The following CLMN variants were observed in gnomAD, a reference collection of about 807,000 sequenced individuals.
CLMN encodes the protein calmin (calponin-like, transmembrane).
CLMN carries 57 observed loss-of-function variants against 92.7 expected under a neutral mutation model. That is an observed-to-expected ratio of 0.61 (90% confidence interval 0.50 to 0.77). CLMN has a LOEUF of 0.77. Ranked by LOEUF, CLMN falls within the 30% of genes least tolerant of loss-of-function variation. The probability of loss-of-function intolerance (pLI) is 0.00; values close to 1 mark genes in which losing one functional copy is unlikely to be tolerated. For synonymous variants in CLMN, 466 were observed against 470.6 expected (o/e 0.99, Z 0.13); for missense variants, 1,158 against 1,237.5 (o/e 0.94, Z 0.96).
intron 9 of CLMN, among the ~76,000 whole-genome samples, chr14:95,200,579 G>A (rs1030462689): frequency 6.6e-6 from 1 of 152,156 alleles, no homozygotes; most frequent in Non-Finnish European, 1.5e-5. Context: ...GCAGGACGCA[G>A]CACTTATTAA....
At chr14:95,309,385 A>G (rs776961383) in intron 1 of CLMN, among the ~76,000 whole-genome samples, 3 of 152,194 alleles carry the variant, frequency 2.0e-5, no homozygotes, top group Admixed American at 6.5e-5. Context: ...TCTCCACTCC[A>G]AAAGTACACA....
chr14:95,261,286 C>T (rs1013112978), intron 1 of CLMN, among the ~76,000 whole-genome samples: 2 of 152,026 alleles, frequency 1.3e-5, no homozygotes, highest in Non-Finnish European at 2.9e-5. Context: ...CCCATTGCCT[C>T]GTTTCACCTC....
chr14:95,272,061 A>T (rs905574092), intron 1 of CLMN, among the ~76,000 whole-genome samples: 1 of 152,256 alleles, frequency 6.6e-6, no homozygotes, highest in African/African-American at 2.4e-5. Flanking sequence ...ATGGGCATGC[A>T]TCTTGTCCCA....
At chr14:95,232,960 T>C (rs1206624207) in intron 1 of CLMN, among the ~76,000 whole-genome samples, 1 of 152,210 alleles carries the variant, frequency 6.6e-6, no homozygotes, top group Non-Finnish European at 1.5e-5. Flanking sequence ...ATGAATATAT[T>C]TCTTACCCGT....
chr14:95,245,270 T>A (rs180898357), intron 1 of CLMN, among the ~76,000 whole-genome samples: 7,253 of 53,102 alleles, frequency 0.14, 835 homozygotes, highest in African/African-American at 0.24. Context: ...TATATATATA[T>A]TATATATATA....
In CLMN at chr14:95,200,412, G is replaced by GC. The variant is rs1054163805; in HGVS notation, c.2511+2425_2511+2426insG. 8.5e-5 allele frequency among the ~76,000 whole-genome samples: 13 copies of GC among 152,214 alleles called. 1 individual carries two copies. Among genetic ancestry groups the GC allele is most frequent in the African/African-American group, 3.1e-4 (13 of 41,452 alleles). On this transcript the variant is annotated intron_variant, in intron 9 of 12. Transcript: ENST00000298912. ...AGATGCATCGCTTTCCATGGGGTTG[G>GC]ATGAGTAAGCAGGTGAGCTCATGGA...
At position 95,309,008 on chromosome 14, in the gene CLMN, A is replaced by G. The variant is rs148876277; in HGVS notation, c.82+10703T>C. Among the ~76,000 whole-genome samples the G allele has an allele frequency of 4.3e-3, 655 of 152,328 alleles. 2 individuals are homozygous for G. Among genetic ancestry groups the G allele is most frequent in the Middle Eastern group, 0.014 (4 of 294 alleles). On this transcript the variant is annotated intron_variant, in intron 1 of 12. Coordinates refer to ENST00000298912, the MANE Select transcript of CLMN (RefSeq NM_024734.4). ...TTTCGTAAACCTACCACGAGACAAC[A>G]ATGGAACGGGGGCCATGAAGATTGT... is the stretch of plus-strand genomic sequence containing the variant.
At chr14:95,234,239 C>T (rs1897979257) in intron 1 of CLMN, among the ~76,000 whole-genome samples, 1 of 152,210 alleles carries the variant, frequency 6.6e-6, no homozygotes, top group South Asian at 2.1e-4. Context: ...AGCACCCCCA[C>T]AGCTGCTGCC....
chr14:95,263,936 G>A (rs1289534664), intron 1 of CLMN, among the ~76,000 whole-genome samples: 3 of 152,180 alleles, frequency 2.0e-5, no homozygotes, highest in African/African-American at 7.2e-5. Context: ...CAGACCCTCT[G>A]AGTCCGGATT....
chr14:95,250,682 A>G (rs8004343), intron 1 of CLMN, among the ~76,000 whole-genome samples: 22,925 of 152,256 alleles, frequency 0.15, 2,946 homozygotes, highest in African/African-American at 0.34. Flanking sequence ...GCTACAGAGC[A>G]TGTCATCCAG....
Position 95,294,957 on chromosome 14 carries a change from C to T in CLMN, c.82+24754G>A, listed in dbSNP as rs1422772104. 3.3e-5 allele frequency among the ~76,000 whole-genome samples: 5 copies of T among 152,236 alleles called. No individual in the cohort carries two copies. The highest frequency in any genetic ancestry group is 4.8e-5 in the African/African-American group (2 of 41,464). On this transcript the variant is annotated intron_variant, in intron 1 of 12. Coordinates refer to ENST00000298912, the MANE Select transcript of CLMN (RefSeq NM_024734.4). The surrounding 1 kb of genome is among the most constrained non-coding windows in gnomAD (Gnocchi z 4.2). The stretch of plus-strand genomic sequence containing the variant: ...CACCAGGCGATAGCTTTGTGGGGCT[C>T]CTATAATTCAGCCCCCTCTTCTTGC...
In CLMN at chr14:95,203,533, C is replaced by G. The variant is rs200712769; in HGVS notation, c.1816G>C (p.Gly606Arg). ...EAFENHAEKL[G>R]KRSIKSAHKK... ...TGAGCAGATTTAATACTCCTTTTAC[C>G]TAGTTTTTCAGCATGATTCTCAAAA... Residue 606 changes from glycine to arginine, a missense_variant, in exon 9 of 13, where the codon GGT becomes CGT. Transcript: ENST00000298912. 8.7e-6 allele frequency: 14 copies of G among 1,614,090 alleles called. No homozygotes were observed. The East Asian group carries it at 3.1e-4, about 36-fold the overall frequency.
chr14:95,231,256 A>G (rs1286837052), intron 1 of CLMN, among the ~76,000 whole-genome samples: 2 of 146,610 alleles, frequency 1.4e-5, no homozygotes, highest in East Asian at 2.0e-4. Context: ...GAGTGCAGTG[A>G]CGCAATCTCG....
rs1047103236 is a variant in CLMN at position 95,191,831 on chromosome 14, G to A, written c.2841-99C>T. The A allele has an allele frequency of 6.2e-5, 74 of 1,198,928 alleles. 1 individual carries two copies. The East Asian group carries it at 6.3e-4, about 10-fold the overall frequency. 74.3% of individuals were successfully genotyped at this position (1,198,928 alleles called of 1,614,324 possible). ...CGTCTCTCCCCGGCCCCCACTCCCC[G>A]CCTGAAGACCCGAAGGCTCCCCAGC... On this transcript the variant is annotated intron_variant, in intron 12 of 12. Transcript: ENST00000298912. The surrounding 1 kb of genome is among the most constrained non-coding windows in gnomAD (Gnocchi z 5.3).
intron 1 of CLMN, among the ~76,000 whole-genome samples, chr14:95,297,629 C>T (rs1900859849): frequency 6.6e-6 from 1 of 152,194 alleles, no homozygotes; most frequent in Non-Finnish European, 1.5e-5. Context: ...CATTTAGAAT[C>T]TAGCTTCTTC....
chr14:95,213,076 C>T lies in CLMN; in HGVS notation c.608+143G>A, dbSNP rs187743524. 1,497 of 870,784 alleles carry T rather than the reference C, an allele frequency of 1.7e-3. 4 individuals carry two copies. The highest frequency in any genetic ancestry group is 5.3e-3 in the African/African-American group (310 of 58,420). 53.9% of individuals were successfully genotyped at this position (870,784 alleles called of 1,614,324 possible). On this transcript the variant is annotated intron_variant, in intron 6 of 12. Transcript: ENST00000298912. ...TGCTGGGATTACAGGCATGAGCCAC[C>T]GCGCCTGCCCCCTGTTCTGATATTC...
intron 4 of CLMN, among the ~76,000 whole-genome samples, chr14:95,220,478 T>C (rs1897500134): frequency 2.6e-5 from 4 of 152,158 alleles, no homozygotes; most frequent in Admixed American, 2.6e-4. Flanking sequence ...CGCCCAGCCA[T>C]CTAAGTCACA....
intron 4 of CLMN, among the ~76,000 whole-genome samples, chr14:95,220,321 T>A (rs1187600): frequency 6.6e-6 from 1 of 151,746 alleles, no homozygotes; most frequent in Non-Finnish European, 1.5e-5. Flanking sequence ...GGATTATAGC[T>A]CCCCACGACC....
At position 95,183,881 on chromosome 14, in the gene CLMN, C is replaced by T. The variant is rs1896381089; in HGVS notation, c.*7683G>A. On this transcript the variant is annotated 3_prime_UTR_variant, in exon 13 of 13. Coordinates refer to ENST00000298912, the MANE Select transcript of CLMN (RefSeq NM_024734.4). ...GCTTTAGCTTCCTTTCCGAAATAAA[C>T]ACCTCCCACGATTGTTCTAAGGGTC... 1 of 152,218 alleles carries T rather than the reference C, an allele frequency of 6.6e-6. No homozygotes were observed. The highest frequency in any genetic ancestry group is 1.5e-5 in the Non-Finnish European group (1 of 68,032). The allele number at this position is 152,218 out of a possible 1,614,324, so 9.4% of individuals were successfully genotyped here. A position where few individuals can be genotyped will look rare whatever the true frequency, so the allele number is the denominator to read the frequency against.
Sources: allele counts gnomAD v4.1 joint callset (sites outside exome capture counted in the v4.1 genomes callset), GRCh38; gene constraint gnomAD v4.1.1; non-coding constraint Gnocchi (gnomAD v3.1); transcripts MANE v1.5; gene names NCBI Gene and HGNC (gene_info 2026-07-23, HGNC 2026-07-21).